Variants in LY96 observed in about 807,000 individuals in gnomAD.
The protein encoded by LY96 is myeloid differentiation protein-2.
In LY96, 18 loss-of-function variants were observed where a neutral mutation model predicts 18.9. The observed-to-expected ratio is 0.95, with a 90% CI of 0.66 to 1.41. LY96 has a LOEUF of 1.41. Among genes scored for constraint, LY96 ranks in the 40% most tolerant of loss-of-function variants. LY96 has a pLI of 0.00. For missense variants in LY96, 175 were observed against 182.4 expected (o/e 0.96, Z 0.23); for synonymous variants, 66 against 62.6 (o/e 1.06, Z -0.26).
At chr8:74,051,731 G>A in the LY96 span, among the ~76,000 whole-genome samples, 1 of 152,288 alleles carries the variant, frequency 6.6e-6, no homozygotes, top group South Asian at 2.1e-4. Context: ...TGAGGACATA[G>A]TGAAAAGTTG....
At chr8:74,000,869 G>A (rs912643082) in intron 1 of LY96, among the ~76,000 whole-genome samples, 4 of 152,180 alleles carry the variant, frequency 2.6e-5, no homozygotes, top group Non-Finnish European at 4.4e-5. Context: ...GCAGAAGGCC[G>A]AAAGGGCACT....
chr8:74,074,269 G>T, the LY96 span, among the ~76,000 whole-genome samples: 2 of 152,108 alleles, frequency 1.3e-5, no homozygotes. Flanking sequence ...CAAAGTGTTG[G>T]GATTACAGGC....
the LY96 span, among the ~76,000 whole-genome samples, chr8:74,043,430 G>A: frequency 4.6e-5 from 7 of 152,194 alleles, no homozygotes; most frequent in Admixed American, 6.5e-5. Flanking sequence ...AGACCCAAAA[G>A]CAATGAACTG....
the LY96 span, among the ~76,000 whole-genome samples, chr8:74,036,194 A>G: frequency 6.6e-6 from 1 of 152,222 alleles, no homozygotes; most frequent in Non-Finnish European, 1.5e-5. Context: ...TCCTTCCCCA[A>G]AACAAATCAC....
the LY96 span, among the ~76,000 whole-genome samples, chr8:74,048,331 G>A: frequency 6.7e-6 from 1 of 149,800 alleles, no homozygotes; most frequent in African/African-American, 2.5e-5. Context: ...GTGCAATCTT[G>A]GCTCACTGCA....
downstream of LY96, among the ~76,000 whole-genome samples, chr8:74,031,761 T>TA (rs1816973450): frequency 6.6e-6 from 1 of 152,186 alleles, no homozygotes; most frequent in East Asian, 1.9e-4. Flanking sequence ...GCAACAAAGT[T>TA]ACCTCTGAGA....
intron 1 of LY96, among the ~76,000 whole-genome samples, chr8:73,997,405 G>C (rs1354716239): frequency 6.6e-6 from 1 of 152,108 alleles, no homozygotes; most frequent in African/African-American, 2.4e-5. Flanking sequence ...CTCTGCTTCA[G>C]TTCTTGCCAC....
At chr8:74,075,023 G>A in the LY96 span, among the ~76,000 whole-genome samples, 2 of 152,176 alleles carry the variant, frequency 1.3e-5, no homozygotes, top group Non-Finnish European at 2.9e-5. Flanking sequence ...CATAGATTAA[G>A]TCTAATGTTT....
At chr8:74,089,141 T>G in the LY96 span, among the ~76,000 whole-genome samples, 1 of 152,178 alleles carries the variant, frequency 6.6e-6, no homozygotes, top group Non-Finnish European at 1.5e-5. Context: ...GGGGCGAAGC[T>G]TCCTTCCTGG....
chr8:74,087,700 A>G, the LY96 span, among the ~76,000 whole-genome samples: 1 of 152,306 alleles, frequency 6.6e-6, no homozygotes, highest in African/African-American at 2.4e-5. Context: ...AGACTTCCTA[A>G]CAAGTCTAAT....
At chr8:74,029,079 AT>A, downstream of LY96, 4 of 1,371,554 alleles carry the variant, frequency 2.9e-6, no homozygotes, top group Non-Finnish European at 4.1e-6. Flanking sequence ...TTAAAAAAAA[AT>A]TTAAAGGTAT....
intron 1 of LY96, among the ~76,000 whole-genome samples, chr8:73,996,061 G>T (rs992757956): frequency 1.3e-5 from 2 of 152,206 alleles, no homozygotes; most frequent in African/African-American, 4.8e-5. Context: ...AGCTACTCAG[G>T]AGGCTGAGGC....
chr8:74,081,072 CTTTCT>C, the LY96 span, among the ~76,000 whole-genome samples: 461 of 112,524 alleles, frequency 4.1e-3, 6 homozygotes, highest in African/African-American at 0.011. Flanking sequence ...TTCTTACTTT[CTTTCT>C]TCTCTTTCTC....
At chr8:74,086,122 G>A in the LY96 span, among the ~76,000 whole-genome samples, 1 of 152,012 alleles carries the variant, frequency 6.6e-6, no homozygotes, top group African/African-American at 2.4e-5. Flanking sequence ...CCACATATAA[G>A]TGAAATCTTT....
chr8:74,022,897 T>G (rs1313040754), intron 3 of LY96, among the ~76,000 whole-genome samples: 3 of 152,110 alleles, frequency 2.0e-5, no homozygotes, highest in Non-Finnish European at 2.9e-5. Flanking sequence ...GTTCTTAATT[T>G]CTTTCTCATA....
At chr8:74,068,079 A>ATATATATATATATATATATATAT in the LY96 span, among the ~76,000 whole-genome samples, 7 of 97,218 alleles carry the variant, frequency 7.2e-5, no homozygotes, top group African/African-American at 2.6e-4. Context: ...AAAAAAAAAA[A>ATATATATATATATATATATATAT]AAAAAAAAAA....
chr8:74,022,640 G>A (rs183840082), intron 3 of LY96, among the ~76,000 whole-genome samples: 2,744 of 148,902 alleles, frequency 0.018, 32 homozygotes, highest in Non-Finnish European at 0.029. Flanking sequence ...GTGCAATGGC[G>A]CAGTCTCAGC....
chr8:74,000,416 G>A (rs1816238652), intron 1 of LY96, among the ~76,000 whole-genome samples: 1 of 152,088 alleles, frequency 6.6e-6, no homozygotes, highest in Non-Finnish European at 1.5e-5. Flanking sequence ...TTGTGTCTGA[G>A]GCCTCATCAG....
chr8:74,031,634 C>CTCA (rs1816971504), downstream of LY96, among the ~76,000 whole-genome samples: 16 of 103,632 alleles, frequency 1.5e-4, no homozygotes, highest in African/African-American at 5.0e-4. Flanking sequence ...GACTCTGTCT[C>CTCA]AAAAAAAAAA....
Sources: gnomAD v4.1 joint callset for allele counts (sites outside exome capture counted in the v4.1 genomes callset) on GRCh38, gnomAD v4.1.1 for gene constraint, MANE v1.5 for transcripts, NCBI Gene and HGNC (gene_info 2026-07-23, HGNC 2026-07-21) for gene names.